Variants in AGAP1 observed in about 807,000 individuals in gnomAD.
AGAP1 encodes ArfGAP with GTPase domain, ankyrin repeat and PH domain 1.
AGAP1 carries 29 observed loss-of-function variants against 105.3 expected under a neutral mutation model. The ratio of observed to expected loss-of-function variants is 0.28; its 90% CI spans 0.21 to 0.38. The LOEUF (loss-of-function observed/expected upper bound fraction) is 0.38. Ranked by LOEUF, AGAP1 falls within the 10% of genes least tolerant of loss-of-function variation. The probability of loss-of-function intolerance (pLI) is 1.00; values close to 1 mark genes in which losing one functional copy is unlikely to be tolerated. For synonymous variants in AGAP1, 509 were observed against 485.9 expected (o/e 1.05, Z -0.63); for missense variants, 998 against 1,165.1 (o/e 0.86, Z 2.09).
chr2:235,780,163 T>G (rs1956170525), intron 6 of AGAP1, among the ~76,000 whole-genome samples: 1 of 152,152 alleles, frequency 6.6e-6, no homozygotes, highest in African/African-American at 2.4e-5. Flanking sequence ...CTTGATACAG[T>G]GGTGCCTAAT....
rs1440433035 is a variant in AGAP1 at position 236,032,383 on chromosome 2, G to T, written c.1646-4178G>T. 2.0e-5 allele frequency among the ~76,000 whole-genome samples: 3 copies of T among 152,238 alleles called. No homozygotes were observed. The East Asian group carries it at 5.8e-4, about 29-fold the overall frequency. On this transcript the variant is annotated intron_variant, in intron 13 of 17. Coordinates refer to ENST00000304032, the MANE Select transcript of AGAP1 (RefSeq NM_001037131.3). ...TGATAAAAGCCTTGCTCACATCTGG[G>T]TGAGTCTTCAGGGTGATCAAGCATC...
intron 6 of AGAP1, among the ~76,000 whole-genome samples, chr2:235,756,252 G>T (rs1003439845): frequency 2.7e-4 from 41 of 152,328 alleles, no homozygotes; most frequent in African/African-American, 9.1e-4. Flanking sequence ...GAACACAGGG[G>T]CCTGTGTTGT....
chr2:236,052,943 G>A (rs769704264), intron 16 of AGAP1, among the ~76,000 whole-genome samples: 3 of 152,210 alleles, frequency 2.0e-5, no homozygotes, highest in African/African-American at 7.2e-5. Flanking sequence ...TGTTGAAGTG[G>A]TGGTGAAGTA....
In AGAP1 at chr2:235,642,493, A is replaced by G. The variant is rs1559309140; in HGVS notation, c.164-66686A>G. 6.6e-6 allele frequency among the ~76,000 whole-genome samples: 1 copy of G among 152,124 alleles called. No homozygotes were observed. ...TGGGGATTTGGGTCTTGGTTTTGCC[A>G]GCACTCCCAGTGGACAGTCATGCCT... On this transcript the variant is annotated intron_variant, in intron 1 of 17. Coordinates refer to ENST00000304032, the MANE Select transcript of AGAP1 (RefSeq NM_001037131.3). The surrounding 1 kb of genome is among the most constrained non-coding windows in gnomAD (Gnocchi z 4.1).
intron 10 of AGAP1, among the ~76,000 whole-genome samples, chr2:235,898,094 G>A (rs1040795084): frequency 1.3e-5 from 2 of 152,208 alleles, no homozygotes; most frequent in African/African-American, 4.8e-5. Context: ...AAAATCCGCT[G>A]ATGATTACAT....
rs201893979 is a variant in AGAP1, at chr2:235,968,448, C to A, written c.1484-14C>A. 9 of 1,534,486 alleles carry A rather than the reference C, an allele frequency of 5.9e-6. No individual in the cohort carries two copies. The South Asian group carries it at 1.1e-4, about 19-fold the overall frequency. ...TTTTTTTTTTTTTTTTTGCCTTTTCCGGTCCAATGGCAGACACAGGGCTGG... is the reference window on the plus strand; with the variant it reads ...TTTTTTTTTTTTTTTTTGCCTTTTCAGGTCCAATGGCAGACACAGGGCTGG... On this transcript the variant is annotated splice_polypyrimidine_tract_variant and intron_variant, in intron 12 of 17. Coordinates refer to ENST00000304032, the MANE Select transcript of AGAP1 (RefSeq NM_001037131.3).
chr2:235,897,482 T>A (rs2050861328), intron 10 of AGAP1, among the ~76,000 whole-genome samples: 1 of 152,182 alleles, frequency 6.6e-6, no homozygotes, highest in Non-Finnish European at 1.5e-5. Flanking sequence ...AAATAGCAGA[T>A]TTAACAGTGT....
intron 9 of AGAP1, among the ~76,000 whole-genome samples, chr2:235,878,756 T>G (rs2049869052): frequency 6.6e-6 from 1 of 152,226 alleles, no homozygotes; most frequent in Non-Finnish European, 1.5e-5. Flanking sequence ...TCCGCTCATG[T>G]TCCTTGACTG....
intron 10 of AGAP1, among the ~76,000 whole-genome samples, chr2:235,892,809 C>G (rs2050608185): frequency 1.3e-5 from 2 of 152,190 alleles, no homozygotes; most frequent in African/African-American, 4.8e-5. Context: ...CTCAGAGAAA[C>G]TTTTCACTGG....
rs1228457107 is a variant in AGAP1, at chr2:235,777,061, T to C, written c.674-20698T>C. Reference sequence around the variant, plus strand: ...TGGATCCTGCAGAGAAACGAGGAAGTATTAGACAGAAGTGATGCTGGGCGC... The same window carrying C: ...TGGATCCTGCAGAGAAACGAGGAAGCATTAGACAGAAGTGATGCTGGGCGC... On this transcript the variant is annotated intron_variant, in intron 6 of 17. Transcript: ENST00000304032. The surrounding 1 kb of genome is among the most constrained non-coding windows in gnomAD (Gnocchi z 5.1). 4.2e-6 allele frequency: 2 copies of C among 470,966 alleles called. No homozygotes were observed. The highest frequency in any genetic ancestry group is 1.4e-4 in the East Asian group (2 of 14,390). 29.2% of individuals were successfully genotyped at this position (470,966 alleles called of 1,614,324 possible).
intron 9 of AGAP1, among the ~76,000 whole-genome samples, chr2:235,815,210 C>G (rs892645240): frequency 3.9e-5 from 6 of 152,286 alleles, no homozygotes; most frequent in African/African-American, 1.4e-4. Context: ...TAATGAAATC[C>G]TGCAGCCTGG....
At chr2:235,543,202 G>GTAGTCA (rs1212457454) in intron 1 of AGAP1, among the ~76,000 whole-genome samples, 9 of 150,632 alleles carry the variant, frequency 6.0e-5, no homozygotes, top group African/African-American at 2.0e-4. Flanking sequence ...GATGCAGGCA[G>GTAGTCA]TAGTCATATC....
At chr2:235,851,971 C>T (rs76563253) in intron 9 of AGAP1, among the ~76,000 whole-genome samples, 4,818 of 152,074 alleles carry the variant, frequency 0.032, 111 homozygotes, top group Non-Finnish European at 0.045. Flanking sequence ...GTGGGCAAAG[C>T]GGAGAGAGGG....
chr2:235,850,986 A>T (rs1166927416), intron 9 of AGAP1, among the ~76,000 whole-genome samples: 1 of 152,200 alleles, frequency 6.6e-6, no homozygotes, highest in Non-Finnish European at 1.5e-5. Context: ...CTCCCACTGT[A>T]CACAGCCTCC....
Position 235,494,156 on chromosome 2 carries a change from A to C in AGAP1, c.-531A>C. The C allele has an allele frequency of 7.1e-6, 1 of 141,412 alleles. No individual in the cohort carries two copies. The highest frequency in any genetic ancestry group is 1.6e-5 in the Non-Finnish European group (1 of 63,988). 8.8% of individuals were successfully genotyped at this position (141,412 alleles called of 1,614,324 possible). A position where few individuals can be genotyped will look rare whatever the true frequency, so the allele number is the denominator to read the frequency against. On this transcript the variant is annotated 5_prime_UTR_variant, in exon 1 of 18. Coordinates refer to ENST00000304032, the MANE Select transcript of AGAP1 (RefSeq NM_001037131.3). ...TCGGTCCCAGGTCGGCGGGCGGCGC[A>C]CGGCGGGCTCGCGCGGGGGCCCCGG... is the stretch of plus-strand genomic sequence containing the variant.
intron 1 of AGAP1, among the ~76,000 whole-genome samples, chr2:235,598,836 A>G (rs1261024838): frequency 6.6e-6 from 1 of 152,184 alleles, no homozygotes; most frequent in Non-Finnish European, 1.5e-5. Context: ...ATTTTTTAAG[A>G]TAATTTATTT....
chr2:235,510,068 A>G (rs6712612), intron 1 of AGAP1, among the ~76,000 whole-genome samples: 5,141 of 152,218 alleles, frequency 0.034, 118 homozygotes, highest in Middle Eastern at 0.16. Flanking sequence ...CCCAGCTGGG[A>G]CCCTCTAGTT....
In AGAP1 at chr2:235,559,399, A is replaced by G. The variant is rs911577445; in HGVS notation, c.163+64550A>G. The stretch of plus-strand genomic sequence containing the variant: ...AGAGGCGTCTGTGATGAGCGCCTGC[A>G]GACGCTGGTGGGTGCTTGCCGTGTG... On this transcript the variant is annotated intron_variant, in intron 1 of 17. Coordinates refer to ENST00000304032, the MANE Select transcript of AGAP1 (RefSeq NM_001037131.3). This position sits in a 1 kb window ranked among gnomAD's most constrained non-coding sequence, Gnocchi z 5.7. 6.6e-6 allele frequency among the ~76,000 whole-genome samples: 1 copy of G among 152,234 alleles called. No individual in the cohort carries two copies. Among genetic ancestry groups the G allele is most frequent in the African/African-American group, 2.4e-5 (1 of 41,464 alleles).
rs1347253537 is a variant in AGAP1 at position 235,559,393 on chromosome 2, G to A, written c.163+64544G>A. On this transcript the variant is annotated intron_variant, in intron 1 of 17. Transcript: ENST00000304032. The surrounding 1 kb of genome is among the most constrained non-coding windows in gnomAD (Gnocchi z 5.7). ...CAAGCCAGAGGCGTCTGTGATGAGCGCCTGCAGACGCTGGTGGGTGCTTGC... is the reference window on the plus strand; with the variant it reads ...CAAGCCAGAGGCGTCTGTGATGAGCACCTGCAGACGCTGGTGGGTGCTTGC... 6.6e-6 allele frequency among the ~76,000 whole-genome samples: 1 copy of A among 152,218 alleles called. No homozygotes were observed. Among genetic ancestry groups the A allele is most frequent in the Non-Finnish European group, 1.5e-5 (1 of 68,038 alleles).
Sources: gnomAD v4.1 joint callset for allele counts (sites outside exome capture counted in the v4.1 genomes callset) on GRCh38, gnomAD v4.1.1 for gene constraint, Gnocchi (gnomAD v3.1) non-coding constraint, MANE v1.5 for transcripts, NCBI Gene and HGNC (gene_info 2026-07-23, HGNC 2026-07-21) for gene names.